The following DCUN1D1 variants were observed in gnomAD, a reference collection of about 807,000 sequenced individuals.
DCUN1D1 encodes the protein defective in cullin neddylation 1 domain containing 1, also known as DCN1-like protein 1.
Under a neutral mutation model 39.0 loss-of-function variants are expected in DCUN1D1, and 3 were observed. The ratio of observed to expected loss-of-function variants is 0.08; its 90% CI spans 0.04 to 0.20. The LOEUF (loss-of-function observed/expected upper bound fraction) is 0.20. Among genes scored for constraint, DCUN1D1 ranks in the 10% least tolerant of loss-of-function variants. DCUN1D1 has a pLI of 1.00. For synonymous variants in DCUN1D1, 82 were observed against 96.3 expected, an observed-to-expected ratio of 0.85 and a Z score of 0.87; for missense variants, 158 against 302.4, an observed-to-expected ratio of 0.52 and a Z score of 3.54.
intron 1 of DCUN1D1, among the ~76,000 whole-genome samples, chr3:182,971,792 A>T (rs189480699): frequency 7.7e-4 from 117 of 152,278 alleles, no homozygotes; most frequent in Middle Eastern, 6.8e-3. Flanking sequence ...GCCAGAATGA[A>T]ACCCTGGTGC....
At chr3:182,980,574 T>C, upstream of DCUN1D1, 1 of 1,161,494 alleles carries the variant, frequency 8.6e-7, no homozygotes, top group Non-Finnish European at 1.1e-6. Context: ...TCTCACGGGC[T>C]TGCCCGGCTC....
Position 182,942,714 on chromosome 3 carries a change from T to C in DCUN1D1, c.*2380A>G, listed in dbSNP as rs984805453. 6.6e-6 allele frequency: 1 copy of C among 152,084 alleles called. No homozygotes were observed. The highest frequency in any genetic ancestry group is 1.5e-5 in the Non-Finnish European group (1 of 67,986). The allele number at this position is 152,084 out of a possible 1,614,324, so 9.4% of individuals were successfully genotyped here. The stretch of plus-strand genomic sequence containing the variant: ...GTGTGTCTCTCCCTTTCTCTGTCAA[T>C]CTCTCTCACTCTCTCTGGCTCTCTC... On this transcript the variant is annotated 3_prime_UTR_variant, in exon 7 of 7. Transcript: ENST00000292782.
chr3:182,980,130 A>C (rs1213162433), intron 1 of DCUN1D1: 66 of 934,292 alleles, frequency 7.1e-5, no homozygotes, highest in Non-Finnish European at 7.9e-5. Context: ...GCAGAGGGGC[A>C]GGGGCAAGGC....
upstream of DCUN1D1, chr3:182,980,978 C>T (rs1225916393): frequency 2.6e-5 from 4 of 152,070 alleles, no homozygotes; most frequent in African/African-American, 7.2e-5. Flanking sequence ...CCAGACCTCC[C>T]CTCCCCATCA....
intron 3 of DCUN1D1, among the ~76,000 whole-genome samples, chr3:182,962,120 T>A (rs1312868690): frequency 6.6e-6 from 1 of 152,218 alleles, no homozygotes; most frequent in African/African-American, 2.4e-5. Context: ...GATTTGAAAG[T>A]TCATTACATA....
chr3:182,960,821 CAAAA>C (rs1001563079), intron 4 of DCUN1D1, among the ~76,000 whole-genome samples: 3 of 151,924 alleles, frequency 2.0e-5, no homozygotes, highest in Non-Finnish European at 4.4e-5. Context: ...TAAATCATAA[CAAAA>C]AAGAATAAAT....
At chr3:182,945,331 T>C (rs539767818) in intron 6 of DCUN1D1, among the ~76,000 whole-genome samples, 158 bp from the exon 7 acceptor site, 47 of 152,292 alleles carry the variant, frequency 3.1e-4, no homozygotes, top group African/African-American at 9.4e-4. Context: ...AACTCAAACT[T>C]TTTGGAGTTT....
intron 4 of DCUN1D1, among the ~76,000 whole-genome samples, chr3:182,960,078 T>C (rs992247344): frequency 6.6e-6 from 1 of 152,180 alleles, no homozygotes; most frequent in African/African-American, 2.4e-5. Context: ...ACAAACCTCT[T>C]TGTAAGTTAC....
intron 1 of DCUN1D1, among the ~76,000 whole-genome samples, chr3:182,976,440 TACATACACAC>T (rs1383747073): frequency 1.9e-4 from 18 of 93,076 alleles, no homozygotes; most frequent in African/African-American, 4.3e-4. Flanking sequence ...TACATATACA[TACATACACAC>T]ACACACACAC....
chr3:182,984,573 G>A (rs73066936), upstream of DCUN1D1, among the ~76,000 whole-genome samples: 644 of 151,890 alleles, frequency 4.2e-3, 7 homozygotes, highest in African/African-American at 0.015. Flanking sequence ...TGCCTATCTT[G>A]TCTATCTCTC....
At chr3:182,954,674 CTTG>C (rs1330585316) in intron 4 of DCUN1D1, among the ~76,000 whole-genome samples, 1 of 152,132 alleles carries the variant, frequency 6.6e-6, no homozygotes, top group African/African-American at 2.4e-5. Context: ...TCGCCATACA[CTTG>C]TTAAACATTA....
Position 182,938,282 on chromosome 3 carries a change from G to A in DCUN1D1, c.*6812C>T, listed in dbSNP as rs1725981950. 1 of 151,720 alleles carries A rather than the reference G, an allele frequency of 6.6e-6. No homozygotes were observed. The highest frequency in any genetic ancestry group is 2.4e-5 in the African/African-American group (1 of 41,266). 9.4% of individuals were successfully genotyped at this position (151,720 alleles called of 1,614,324 possible). On this transcript the variant is annotated 3_prime_UTR_variant, in exon 7 of 7. Transcript: ENST00000292782. ...AATGAATTTGAAGCCAAAGAGTGGA[G>A]AGTGTGGGGATCCACTGGGTAGGAC...
intron 4 of DCUN1D1, among the ~76,000 whole-genome samples, chr3:182,957,001 T>C (rs1727108417): frequency 6.6e-6 from 1 of 152,194 alleles, no homozygotes; most frequent in Non-Finnish European, 1.5e-5. Context: ...ATAGTTAAAA[T>C]AATTGGAATG....
chr3:182,949,883 G>A (rs2108627286), intron 4 of DCUN1D1, among the ~76,000 whole-genome samples: 1 of 152,124 alleles, frequency 6.6e-6, no homozygotes, highest in East Asian at 1.9e-4. Flanking sequence ...TTCAGAAACT[G>A]CTAAGTCGAC....
chr3:182,973,079 CCT>C (rs1484479180), intron 1 of DCUN1D1, among the ~76,000 whole-genome samples: 1 of 152,110 alleles, frequency 6.6e-6, no homozygotes, highest in Non-Finnish European at 1.5e-5. Flanking sequence ...ACTTTAGTCC[CCT>C]CTTATCCACA....
Position 182,963,993 on chromosome 3 carries a change from G to C in DCUN1D1, c.277C>G (p.Leu93Val), listed in dbSNP as rs748510693. The stretch of plus-strand genomic sequence containing the variant: ...CTAATGCTGGCTGGATCGAGTGCCA[G>C]GTCATCACAGAACTGCTGTATGCCA... ...IDGIQQFCDD[L>V]ALDPASISVL... Residue 93 changes from leucine (L) to valine (V), a missense_variant, in exon 3 of 7, where the codon CTG (leucine) becomes GTG (valine). By Grantham distance (32) the Leu-to-Val change is conservative. This residue lies in a region of DCUN1D1 where 107 missense variants were observed against 174.7 expected (regional missense o/e 0.61). Transcript: ENST00000292782. 10 of 1,613,990 alleles carry C rather than the reference G, an allele frequency of 6.2e-6. No individual in the cohort carries two copies. Among genetic ancestry groups the C allele is most frequent in the Non-Finnish European group, 7.6e-6 (9 of 1,179,920 alleles).
intron 3 of DCUN1D1, among the ~76,000 whole-genome samples, chr3:182,963,542 T>G (rs1727511109): frequency 6.6e-6 from 1 of 152,236 alleles, no homozygotes; most frequent in Non-Finnish European, 1.5e-5. Context: ...ATTCTAGGAT[T>G]TTATAAATGC....
rs557994803 is a variant in DCUN1D1, at chr3:182,942,930, A to C, written c.*2164T>G. On this transcript the variant is annotated 3_prime_UTR_variant, in exon 7 of 7. Transcript: ENST00000292782. ...TGAACAACCTTAACTTTTATGCTACATAATTATATTCAAAGCTTTATGTAT... is the reference window on the plus strand; with the variant it reads ...TGAACAACCTTAACTTTTATGCTACCTAATTATATTCAAAGCTTTATGTAT... 8.5e-4 allele frequency: 130 copies of C among 152,524 alleles called. No homozygotes were observed. The highest frequency in any genetic ancestry group is 2.0e-3 in the Admixed American group (30 of 15,248). 9.4% of individuals were successfully genotyped at this position (152,524 alleles called of 1,614,324 possible).
At chr3:182,981,722 G>T (rs1158203021), upstream of DCUN1D1, among the ~76,000 whole-genome samples, 1 of 152,198 alleles carries the variant, frequency 6.6e-6, no homozygotes, top group Non-Finnish European at 1.5e-5. Context: ...TAATGAATTT[G>T]TTCTTACCAA....
Sources: allele counts gnomAD v4.1 joint callset (sites outside exome capture counted in the v4.1 genomes callset), GRCh38; gene constraint gnomAD v4.1.1; regional missense constraint gnomAD v4.1.1; transcripts MANE v1.5; gene names NCBI Gene and HGNC (gene_info 2026-07-23, HGNC 2026-07-21).